LRIT3: variants seen among roughly 807,000 people sequenced by gnomAD.
LRIT3 encodes leucine-rich repeat, immunoglobulin-like domain and transmembrane domain-containing protein 3.
Under a neutral mutation model 22.6 loss-of-function variants are expected in LRIT3, and 14 were observed. The observed-to-expected ratio is 0.62, with a 90% CI of 0.41 to 0.97. LRIT3 has a LOEUF of 0.97. Among genes scored for constraint, LRIT3 ranks in the 50% least tolerant of loss-of-function variants. The pLI, the probability that LRIT3 is intolerant of heterozygous loss-of-function variation, is 0.00. For missense variants in LRIT3, 783 were observed against 803.0 expected (o/e 0.98, Z 0.30); for synonymous variants, 306 against 304.5 (o/e 1.01, Z -0.05).
At chr4:109,851,254 TA>T in intron 1 of LRIT3, 1 of 471,586 alleles carries the variant, frequency 2.1e-6, no homozygotes, top group Non-Finnish European at 3.8e-6. Context: ...TAATCATCCA[TA>T]ACAGTGCCAT....
At chr4:109,866,774 C>T (rs889042258) in intron 2 of LRIT3, among the ~76,000 whole-genome samples, 19 of 152,152 alleles carry the variant, frequency 1.2e-4, no homozygotes, top group African/African-American at 4.6e-4. Flanking sequence ...TTCTTCAAGC[C>T]CTCACTGATA....
At position 109,851,573 on chromosome 4, in the gene LRIT3, T is replaced by C. The variant is rs1734269129; in HGVS notation, c.186T>C (p.Leu62=). The change falls in exon 2 of 4, where the codon CTT becomes CTC. Residue 62 remains leucine, a synonymous_variant. Transcript: ENST00000594814. ...ACCTCCCCGTGGACACTGTGAAGCT[T>C]CGCATAGAGAAGACTGTCATCCGCA... The part of the protein sequence containing the change: ...PTNLPVDTVK[L]RIEKTVIRRI... The C allele has an allele frequency of 2.6e-6, 4 of 1,551,932 alleles. No homozygotes were observed. The highest frequency in any genetic ancestry group is 3.5e-6 in the Non-Finnish European group (4 of 1,147,042).
At chr4:109,849,412 A>G (rs1403662057) in intron 1 of LRIT3, among the ~76,000 whole-genome samples, 1 of 152,226 alleles carries the variant, frequency 6.6e-6, no homozygotes, top group East Asian at 1.9e-4. Context: ...TAAAAATTAT[A>G]GAATATTAGG....
chr4:109,856,368 T>C (rs1734402470), intron 2 of LRIT3, among the ~76,000 whole-genome samples: 1 of 152,146 alleles, frequency 6.6e-6, no homozygotes, highest in African/African-American at 2.4e-5. Context: ...TTTTTCCAAT[T>C]TTACACATGA....
intron 2 of LRIT3, among the ~76,000 whole-genome samples, chr4:109,858,663 A>G (rs1186067680): frequency 6.6e-6 from 1 of 152,198 alleles, no homozygotes; most frequent in Non-Finnish European, 1.5e-5. Context: ...GACAGCAGTA[A>G]CAGAACTAGA....
chr4:109,871,052 T>G lies in LRIT3; in HGVS notation c.*263T>G, dbSNP rs536898276. ...AAATTATTAATACTTTTTAGGGTAATGTTTTAGTTCTTAAAAATAAGTTCA... is the reference window on the plus strand; with the variant it reads ...AAATTATTAATACTTTTTAGGGTAAGGTTTTAGTTCTTAAAAATAAGTTCA... On this transcript the variant is annotated 3_prime_UTR_variant, in exon 4 of 4. Transcript: ENST00000594814. 3.3e-6 allele frequency: 1 copy of G among 307,492 alleles called. No individual in the cohort carries two copies. Among genetic ancestry groups the G allele is most frequent in the Non-Finnish European group, 5.9e-6 (1 of 169,772 alleles). The allele number at this position is 307,492 out of a possible 1,614,324, so 19.0% of individuals were successfully genotyped here. A position where few individuals can be genotyped will look rare whatever the true frequency, so the allele number is the denominator to read the frequency against.
intron 1 of LRIT3, among the ~76,000 whole-genome samples, chr4:109,850,128 A>G (rs1186633253): frequency 1.3e-5 from 2 of 152,194 alleles, no homozygotes; most frequent in Non-Finnish European, 2.9e-5. Flanking sequence ...TGGTTTTTCA[A>G]ATCCACTGAT....
At chr4:109,867,619 C>G (rs779961112) in intron 2 of LRIT3, 22 bp from the exon 3 acceptor site, 2 of 1,604,226 alleles carry the variant, frequency 1.2e-6, no homozygotes, top group Non-Finnish European at 8.5e-7. Context: ...TCTTTGTCAA[C>G]CTTTCCCACC....
intron 3 of LRIT3, among the ~76,000 whole-genome samples, chr4:109,869,377 C>A (rs1431666297): frequency 1.3e-5 from 2 of 152,184 alleles, no homozygotes; most frequent in African/African-American, 4.8e-5. Context: ...GCAAAAGTTT[C>A]TAAAACCCAA....
At chr4:109,865,006 A>C in intron 2 of LRIT3, 2 of 1,236,682 alleles carry the variant, frequency 1.6e-6, no homozygotes, top group South Asian at 4.1e-5. Context: ...GTTACAAATT[A>C]GGCATTCTAT....
At chr4:109,866,614 C>G (rs928716532) in intron 2 of LRIT3, among the ~76,000 whole-genome samples, 1 of 152,146 alleles carries the variant, frequency 6.6e-6, no homozygotes, top group Non-Finnish European at 1.5e-5. Context: ...TTTCAATACT[C>G]TTTGTGGAAC....
intron 1 of LRIT3, among the ~76,000 whole-genome samples, chr4:109,850,910 T>G (rs544868090): frequency 9.8e-5 from 15 of 152,314 alleles, no homozygotes; most frequent in African/African-American, 3.6e-4. Flanking sequence ...GCAAGTCACG[T>G]TATTAAAACA....
chr4:109,870,907 A>C lies in LRIT3; in HGVS notation c.*118A>C. ...ATTGTACATGAAAATCACAAATGGA[A>C]TGCTTTTAAGTATGTTTAAAAAATA... On this transcript the variant is annotated 3_prime_UTR_variant, in exon 4 of 4. Transcript: ENST00000594814. 2 of 1,055,642 alleles carry C rather than the reference A, an allele frequency of 1.9e-6. No individual in the cohort carries two copies. The highest frequency in any genetic ancestry group is 2.6e-6 in the Non-Finnish European group (2 of 758,384). 65.4% of individuals were successfully genotyped at this position (1,055,642 alleles called of 1,614,324 possible).
intron 2 of LRIT3, among the ~76,000 whole-genome samples, chr4:109,860,881 T>G (rs1482224392): frequency 1.3e-5 from 2 of 152,244 alleles, no homozygotes; most frequent in African/African-American, 2.4e-5. Flanking sequence ...AGTTCATTAT[T>G]GCAAAATTGT....
chr4:109,857,579 G>A (rs1734434262), intron 2 of LRIT3, among the ~76,000 whole-genome samples: 1 of 152,124 alleles, frequency 6.6e-6, no homozygotes, highest in Non-Finnish European at 1.5e-5. Flanking sequence ...GGCTTTGGAG[G>A]GGCAATCCCT....
Position 109,870,702 on chromosome 4 carries a change from A to G in LRIT3, c.1953A>G (p.Ser651=). The G allele has an allele frequency of 6.2e-7, 1 of 1,614,154 alleles. No homozygotes were observed. The highest frequency in any genetic ancestry group is 8.5e-7 in the Non-Finnish European group (1 of 1,180,002). Residue 651 remains serine (S), a synonymous_variant, in exon 4 of 4, where the codon TCA becomes TCG. Transcript: ENST00000594814. ...ELWTRSHRDD[S]EKLLLCSRSS... ...GGACACGAAGCCACAGGGATGACTC[A>G]GAGAAATTGCTGCTTTGTTCTAGGT...
intron 2 of LRIT3, among the ~76,000 whole-genome samples, chr4:109,866,671 A>C (rs1338360399): frequency 6.6e-6 from 1 of 152,064 alleles, no homozygotes; most frequent in African/African-American, 2.4e-5. Context: ...TTGATTTTCC[A>C]TGTGGACCAC....
At chr4:109,859,397 T>C (rs977627751) in intron 2 of LRIT3, among the ~76,000 whole-genome samples, 7 of 152,186 alleles carry the variant, frequency 4.6e-5, no homozygotes, top group Non-Finnish European at 8.8e-5. Flanking sequence ...TACAATATAG[T>C]GTGTGCATCA....
chr4:109,870,108 G>A lies in LRIT3; in HGVS notation c.1359G>A (p.Lys453=), dbSNP rs1734790049. The A allele has an allele frequency of 6.2e-7, 1 of 1,614,142 alleles. No individual in the cohort carries two copies. ...ACCAAGGTGGGAAAAGAAATTTAAA[G>A]GTGGCAAAGAATGGAAGTAAGCTTC... is the stretch of plus-strand genomic sequence containing the variant. ...QLHQGGKRNL[K]VAKNGSKLPP... Residue 453 remains lysine, a synonymous_variant, in exon 4 of 4, where the codon AAG becomes AAA. Coordinates refer to ENST00000594814, the MANE Select transcript of LRIT3 (RefSeq NM_198506.5).
Sources: gnomAD v4.1 joint callset for allele counts (sites outside exome capture counted in the v4.1 genomes callset) on GRCh38, gnomAD v4.1.1 for gene constraint, MANE v1.5 for transcripts, NCBI Gene and HGNC (gene_info 2026-07-23, HGNC 2026-07-21) for gene names.